Variants in ALDH5A1 observed in about 807,000 individuals in gnomAD.
The protein encoded by ALDH5A1 is succinate-semialdehyde dehydrogenase, mitochondrial.
ALDH5A1 carries 33 observed loss-of-function variants against 54.7 expected under a neutral mutation model. The observed-to-expected ratio is 0.60, with a 90% CI of 0.46 to 0.81. The LOEUF (loss-of-function observed/expected upper bound fraction) is 0.81. Among genes scored for constraint, ALDH5A1 ranks in the 30% least tolerant of loss-of-function variants. The pLI is 0.00. For missense variants in ALDH5A1, 657 were observed against 711.0 expected, an observed-to-expected ratio of 0.92 and a Z score of 0.86; for synonymous variants, 294 against 292.7, an observed-to-expected ratio of 1.00 and a Z score of -0.05.
chr6:24,510,497 A>G (rs1253429883), intron 4 of ALDH5A1, among the ~76,000 whole-genome samples: 1 of 152,194 alleles, frequency 6.6e-6, no homozygotes, highest in Admixed American at 6.5e-5. Context: ...TGTTACATGC[A>G]TATATATTTA....
intron 7 of ALDH5A1, among the ~76,000 whole-genome samples, chr6:24,525,500 C>T (rs1429206115): frequency 6.6e-6 from 1 of 150,810 alleles, no homozygotes; most frequent in Admixed American, 6.6e-5. Context: ...GAGTTTGAGA[C>T]CAGCCTGACC....
intron 7 of ALDH5A1, among the ~76,000 whole-genome samples, chr6:24,523,235 T>C (rs1759738319): frequency 6.8e-6 from 1 of 147,442 alleles, no homozygotes; most frequent in Non-Finnish European, 1.5e-5. Flanking sequence ...GTATAGAGTA[T>C]GAGAGATCTA....
rs886061281 is a variant in ALDH5A1 at position 24,536,936 on chromosome 6, C to G, written c.*3224C>G. ...AAATTGTGCCACATGACTTTTTCCT[C>G]TAAAAACTGGATCCTAGTGTTTTAA... On this transcript the variant is annotated 3_prime_UTR_variant, in exon 10 of 10. Coordinates refer to ENST00000357578, the MANE Select transcript of ALDH5A1 (RefSeq NM_001080.3). 5 of 152,640 alleles carry G rather than the reference C, an allele frequency of 3.3e-5. No individual in the cohort carries two copies. The South Asian group carries it at 8.3e-4, about 25-fold the overall frequency. The allele number at this position is 152,640 out of a possible 1,614,324, so 9.5% of individuals were successfully genotyped here.
chr6:24,506,120 T>C (rs1001204005), intron 4 of ALDH5A1, among the ~76,000 whole-genome samples: 52 of 151,926 alleles, frequency 3.4e-4, no homozygotes, highest in Non-Finnish European at 8.8e-5. Context: ...TGTGTACACA[T>C]GTGTACACAC....
intron 8 of ALDH5A1, among the ~76,000 whole-genome samples, chr6:24,531,806 A>G (rs1180654995): frequency 6.6e-6 from 1 of 152,202 alleles, no homozygotes; most frequent in Non-Finnish European, 1.5e-5. Context: ...GTGGGTACCA[A>G]GAATAGTAAT....
At chr6:24,498,812 A>C in intron 1 of ALDH5A1, among the ~76,000 whole-genome samples, 1 of 151,866 alleles carries the variant, frequency 6.6e-6, no homozygotes, top group Non-Finnish European at 1.5e-5. Context: ...AAAAATACAA[A>C]AATTGGCCAG....
In ALDH5A1 at chr6:24,536,665, A is replaced by C. The variant is rs987507114; in HGVS notation, c.*2953A>C. 2 of 152,256 alleles carry C rather than the reference A, an allele frequency of 1.3e-5. No homozygotes were observed. Among genetic ancestry groups the C allele is most frequent in the South Asian group, 2.1e-4 (1 of 4,836 alleles). The allele number at this position is 152,256 out of a possible 1,614,324, so 9.4% of individuals were successfully genotyped here. On this transcript the variant is annotated 3_prime_UTR_variant, in exon 10 of 10. Coordinates refer to ENST00000357578, the MANE Select transcript of ALDH5A1 (RefSeq NM_001080.3). ...GAACTTCCCAGCGATGATAATGTAC[A>C]TGAAATTAGCCACGTAACAAGAGTC...
intron 4 of ALDH5A1, 65 bp from the exon 5 acceptor site, chr6:24,515,102 C>CTTTTTTTTTTTTTTTTTTTTTGT: frequency 1.1e-6 from 1 of 927,262 alleles, no homozygotes. Context: ...TTTCTCTTTT[C>CTTTTTTTTTTTTTTTTTTTTTGT]TTTTTTTTTT....
In ALDH5A1 at chr6:24,515,162, T is replaced by C; in HGVS notation, c.727-5T>C. On this transcript the variant is annotated splice_region_variant and splice_polypyrimidine_tract_variant and intron_variant, in intron 4 of 9. Coordinates refer to ENST00000357578, the MANE Select transcript of ALDH5A1 (RefSeq NM_001080.3). Reference sequence around the variant, plus strand: ...TTGGCACATGTTTGCTGTTTCTCTTTATAGCTTGCAAGCCAGGCTGGGATT... The same window carrying C: ...TTGGCACATGTTTGCTGTTTCTCTTCATAGCTTGCAAGCCAGGCTGGGATT... 1 of 1,612,620 alleles carries C rather than the reference T, an allele frequency of 6.2e-7. No individual in the cohort carries two copies. Among genetic ancestry groups the C allele is most frequent in the South Asian group, 1.1e-5 (1 of 90,982 alleles).
At chr6:24,533,399 C>A in intron 9 of ALDH5A1, 108 bp from the exon 10 acceptor site, 2 of 1,177,326 alleles carry the variant, frequency 1.7e-6, no homozygotes, top group Non-Finnish European at 2.5e-6. Context: ...GGGAAGACTC[C>A]AGGCCCAAGT....
At chr6:24,506,868 T>G (rs552298793) in intron 4 of ALDH5A1, among the ~76,000 whole-genome samples, 1 of 152,234 alleles carries the variant, frequency 6.6e-6, no homozygotes, top group South Asian at 2.1e-4. Flanking sequence ...AATTAATGAA[T>G]CAATAGTGAT....
rs1403411106 is a variant in ALDH5A1, at chr6:24,533,905, C to T, written c.*193C>T. ...TGTAACTAGGGACCAATATGTGCCACGTGCCTGTGGCTGCAGACTCCCAGA... is the reference window on the plus strand; with the variant it reads ...TGTAACTAGGGACCAATATGTGCCATGTGCCTGTGGCTGCAGACTCCCAGA... On this transcript the variant is annotated 3_prime_UTR_variant, in exon 10 of 10. Coordinates refer to ENST00000357578, the MANE Select transcript of ALDH5A1 (RefSeq NM_001080.3). 8.7e-6 allele frequency: 5 copies of T among 572,836 alleles called. No individual in the cohort carries two copies. Among genetic ancestry groups the T allele is most frequent in the South Asian group, 2.0e-5 (1 of 48,952 alleles). The allele number at this position is 572,836 out of a possible 1,614,324, so 35.5% of individuals were successfully genotyped here. A position where few individuals can be genotyped will look rare whatever the true frequency, so the allele number is the denominator to read the frequency against.
chr6:24,502,435 C>A, intron 1 of ALDH5A1, 88 bp from the exon 2 acceptor site: 1 of 1,024,972 alleles, frequency 9.8e-7, no homozygotes, highest in Non-Finnish European at 1.5e-6. Context: ...GACCATACAG[C>A]TAATATTTTA....
chr6:24,518,337 T>C lies in ALDH5A1; in HGVS notation c.871-2064T>C, dbSNP rs2127386786. 6.6e-6 allele frequency among the ~76,000 whole-genome samples: 1 copy of C among 152,284 alleles called. No individual in the cohort carries two copies. The highest frequency in any genetic ancestry group is 2.1e-4 in the South Asian group (1 of 4,818). Reference sequence around the variant, plus strand: ...GATTCATTAAGACATGACAGGAGTTTACACTATACCCAGTGGCCAGGGCAA... The same window carrying C: ...GATTCATTAAGACATGACAGGAGTTCACACTATACCCAGTGGCCAGGGCAA... On this transcript the variant is annotated intron_variant, in intron 5 of 9. Transcript: ENST00000357578. This position sits in a 1 kb window ranked among gnomAD's most constrained non-coding sequence, Gnocchi z 4.2.
chr6:24,529,294 G>C (rs955336577), intron 8 of ALDH5A1, among the ~76,000 whole-genome samples: 4 of 151,834 alleles, frequency 2.6e-5, no homozygotes, highest in African/African-American at 9.7e-5. Context: ...AGCCTCCCGA[G>C]TAGCTGGGAC....
chr6:24,502,661 C>T, intron 2 of ALDH5A1, 55 bp downstream of exon 2: 1 of 1,428,836 alleles, frequency 7.0e-7, no homozygotes, highest in Non-Finnish European at 9.8e-7. Flanking sequence ...AATTTTTACA[C>T]TAAACTTGGG....
chr6:24,519,155 G>A (rs1262058912), intron 5 of ALDH5A1, among the ~76,000 whole-genome samples: 4 of 151,902 alleles, frequency 2.6e-5, no homozygotes, highest in Admixed American at 6.6e-5. Flanking sequence ...GCAGTGGCGC[G>A]ATCCACAGCG....
intron 4 of ALDH5A1, among the ~76,000 whole-genome samples, chr6:24,511,363 G>A (rs1302756007): frequency 1.3e-5 from 2 of 152,122 alleles, no homozygotes; most frequent in Non-Finnish European, 2.9e-5. Context: ...TGGATGTCTA[G>A]GTCTCTAGCA....
intron 8 of ALDH5A1, among the ~76,000 whole-genome samples, chr6:24,530,442 GAGCTCCTCAGACA>G (rs1239883892): frequency 6.6e-6 from 1 of 152,080 alleles, no homozygotes; most frequent in Non-Finnish European, 1.5e-5. Context: ...CTTAGTCTCA[GAGCTCCTCAGACA>G]TCTTGTAATT....
Sources: gnomAD v4.1 joint callset for allele counts (sites outside exome capture counted in the v4.1 genomes callset) on GRCh38, gnomAD v4.1.1 for gene constraint, Gnocchi (gnomAD v3.1) non-coding constraint, MANE v1.5 for transcripts, NCBI Gene and HGNC (gene_info 2026-07-23, HGNC 2026-07-21) for gene names.